Variants in SH2D1B observed in about 807,000 individuals in gnomAD.
SH2D1B encodes the protein SH2 domain containing 1B.
SH2D1B carries 11 observed loss-of-function variants against 16.3 expected under a neutral mutation model. The observed-to-expected ratio is 0.67, with a 90% CI of 0.42 to 1.11. The LOEUF (loss-of-function observed/expected upper bound fraction) is 1.11. Ranked by LOEUF, SH2D1B falls within the 50% of genes most tolerant of loss-of-function variation. The pLI, the probability that SH2D1B is intolerant of heterozygous loss-of-function variation, is 0.00. For synonymous variants in SH2D1B, 55 were observed against 56.1 expected, an observed-to-expected ratio of 0.98 and a Z score of 0.09; for missense variants, 123 against 153.1, an observed-to-expected ratio of 0.80 and a Z score of 1.04.
intron 1 of SH2D1B, among the ~76,000 whole-genome samples, chr1:162,407,015 C>T (rs1199305032): frequency 6.6e-6 from 1 of 152,186 alleles, no homozygotes; most frequent in African/African-American, 2.4e-5. Context: ...ATTTCCTGTC[C>T]ACAGTTACCA....
At chr1:162,403,512 ATATAT>A (rs1435932957) in intron 1 of SH2D1B, among the ~76,000 whole-genome samples, 338 of 17,710 alleles carry the variant, frequency 0.019, 8 homozygotes, top group Middle Eastern at 0.05. Context: ...AAAAAAAAAA[ATATAT>A]ATATATATAT....
rs747946218 is a variant in SH2D1B at position 162,398,930 on chromosome 1, G to A, written c.356C>T (p.Thr119Ile). 1.9e-6 allele frequency: 3 copies of A among 1,610,726 alleles called. No homozygotes were observed. The highest frequency in any genetic ancestry group is 2.5e-6 in the Non-Finnish European group (3 of 1,177,744). The change falls in exon 3 of 4, where the codon ACA becomes ATA. Residue 119 changes from threonine (T) to isoleucine (I), a missense_variant. Transcript: ENST00000367929. ...RWRGLKLELE[T>I]FVNSNSDYVD... ...CCACGTGAGAGATTTTACCACAAATGTTTCCAACTCTAATTTCAATCCTCT... is the reference window on the plus strand; with the variant it reads ...CCACGTGAGAGATTTTACCACAAATATTTCCAACTCTAATTTCAATCCTCT...
At chr1:162,403,488 G>GAAAAAAAAAAAAAAAA (rs1172751501) in intron 1 of SH2D1B, among the ~76,000 whole-genome samples, 4 of 20,692 alleles carry the variant, frequency 1.9e-4, no homozygotes, top group Non-Finnish European at 3.0e-4. Context: ...GACTCTGTCT[G>GAAAAAAAAAAAAAAAA]AAAAAAAAAA....
intron 1 of SH2D1B, among the ~76,000 whole-genome samples, chr1:162,409,103 T>G: frequency 1.7e-5 from 1 of 59,024 alleles, no homozygotes; most frequent in Non-Finnish European, 3.9e-5. Flanking sequence ...AGTGAGACCC[T>G]GTCTAAAAAA....
At chr1:162,398,883 G>A (rs1003767801) in intron 3 of SH2D1B, 40 bp downstream of exon 3, 1 of 1,590,170 alleles carries the variant, frequency 6.3e-7, no homozygotes, top group African/African-American at 1.3e-5. Flanking sequence ...GTGGAAATAG[G>A]ATTAAGATTG....
At chr1:162,399,827 AG>A (rs1182337500) in intron 2 of SH2D1B, among the ~76,000 whole-genome samples, 2 of 152,194 alleles carry the variant, frequency 1.3e-5, no homozygotes, top group Non-Finnish European at 2.9e-5. Context: ...GTCCCTGCAA[AG>A]GACATGATTT....
At chr1:162,402,251 G>A (rs1226768076) in intron 2 of SH2D1B, among the ~76,000 whole-genome samples, 1 of 132,904 alleles carries the variant, frequency 7.5e-6, no homozygotes. Context: ...GGTGGCTCAC[G>A]CCTGTAATCC....
chr1:162,400,394 C>A (rs186483927), intron 2 of SH2D1B, among the ~76,000 whole-genome samples: 7 of 147,828 alleles, frequency 4.7e-5, no homozygotes. Flanking sequence ...CGGGTTCATG[C>A]CATTCTCCTG....
intron 1 of SH2D1B, among the ~76,000 whole-genome samples, chr1:162,403,488 G>GAAA (rs1172751501): frequency 1.3e-3 from 26 of 20,676 alleles, no homozygotes; most frequent in African/African-American, 3.1e-3. Context: ...GACTCTGTCT[G>GAAA]AAAAAAAAAA....
intron 1 of SH2D1B, among the ~76,000 whole-genome samples, chr1:162,410,568 G>A (rs2101865247): frequency 6.6e-6 from 1 of 152,068 alleles, no homozygotes; most frequent in Non-Finnish European, 1.5e-5. Context: ...AGTGATTTCT[G>A]TTCAGGATTG....
chr1:162,411,197 T>A (rs1032049345), intron 1 of SH2D1B, among the ~76,000 whole-genome samples: 4 of 152,130 alleles, frequency 2.6e-5, no homozygotes, highest in African/African-American at 9.7e-5. Context: ...CTCAAGTGAT[T>A]CACCTGCCTC....
chr1:162,397,720 C>G (rs1454454387), intron 3 of SH2D1B, among the ~76,000 whole-genome samples: 1 of 152,184 alleles, frequency 6.6e-6, no homozygotes, highest in Non-Finnish European at 1.5e-5. Context: ...GAGTGAGATT[C>G]ATGCCCAGGT....
At chr1:162,409,985 AT>A (rs1180988384) in intron 1 of SH2D1B, among the ~76,000 whole-genome samples, 1 of 152,204 alleles carries the variant, frequency 6.6e-6, no homozygotes, top group Non-Finnish European at 1.5e-5. Context: ...TCTATTAGTA[AT>A]GACAATCACT....
In SH2D1B at chr1:162,395,940, A is replaced by C. The variant is rs1648364827; in HGVS notation, c.*1340T>G. ...TGCAAGTTCATTAAAAATTCCAAAA[A>C]GAGGTTTTAAGCAATTTCACGTATT... is the stretch of plus-strand genomic sequence containing the variant. On this transcript the variant is annotated 3_prime_UTR_variant, in exon 4 of 4. Transcript: ENST00000367929. 1 of 152,246 alleles carries C rather than the reference A, an allele frequency of 6.6e-6. No homozygotes were observed. Among genetic ancestry groups the C allele is most frequent in the Non-Finnish European group, 1.5e-5 (1 of 68,046 alleles). The allele number at this position is 152,246 out of a possible 1,614,324, so 9.4% of individuals were successfully genotyped here. A position where few individuals can be genotyped will look rare whatever the true frequency, so the allele number is the denominator to read the frequency against.
intron 2 of SH2D1B, among the ~76,000 whole-genome samples, chr1:162,402,104 C>T (rs1265355193): frequency 6.6e-6 from 1 of 152,206 alleles, no homozygotes; most frequent in Non-Finnish European, 1.5e-5. Flanking sequence ...CCCTTTCTAG[C>T]TCCATCTTGC....
At chr1:162,411,156 G>A (rs1008123925) in intron 1 of SH2D1B, among the ~76,000 whole-genome samples, 1 of 151,882 alleles carries the variant, frequency 6.6e-6, no homozygotes, top group African/African-American at 2.4e-5. Context: ...GGGTTTTGCC[G>A]TGTTGGCCAG....
At chr1:162,402,911 C>CTTTT in intron 1 of SH2D1B, 109 bp from the exon 2 acceptor site, 2 of 886,012 alleles carry the variant, frequency 2.3e-6, no homozygotes, top group Non-Finnish European at 3.6e-6. Context: ...CCTAAAAAAA[C>CTTTT]TCTTTTTTTT....
At chr1:162,397,641 T>G (rs1211797185) in intron 3 of SH2D1B, among the ~76,000 whole-genome samples, 1 of 152,204 alleles carries the variant, frequency 6.6e-6, no homozygotes, top group African/African-American at 2.4e-5. Flanking sequence ...ATGGGGAATA[T>G]TTCCTCTTCA....
rs1184437056 is a variant in SH2D1B at position 162,397,303 on chromosome 1, C to T, written c.376G>A (p.Asp126Asn). 3 of 1,613,762 alleles carry T rather than the reference C, an allele frequency of 1.9e-6. No homozygotes were observed. Among genetic ancestry groups the T allele is most frequent in the South Asian group, 1.1e-5 (1 of 91,058 alleles). Reference sequence around the variant, plus strand: ...CTTCAAGGCAAGACATCCACATAATCGCTGTTACTGTTCTTTGGAGGGAAA... The same window carrying T: ...CTTCAAGGCAAGACATCCACATAATTGCTGTTACTGTTCTTTGGAGGGAAA... Reference protein sequence around the residue: ...ELETFVNSNSDYVDVLP With the variant: ...ELETFVNSNSNYVDVLP Residue 126 changes from aspartate (D) to asparagine (N), a missense_variant, in exon 4 of 4, where the codon GAT becomes AAT. Transcript: ENST00000367929.
Sources: allele counts gnomAD v4.1 joint callset (sites outside exome capture counted in the v4.1 genomes callset), GRCh38; gene constraint gnomAD v4.1.1; transcripts MANE v1.5; gene names NCBI Gene and HGNC (gene_info 2026-07-23, HGNC 2026-07-21).